Variants in HS6ST3 observed in about 807,000 individuals in gnomAD.
HS6ST3 encodes the protein heparan-sulfate 6-O-sulfotransferase 3.
Under a neutral mutation model 36.7 loss-of-function variants are expected in HS6ST3, and 12 were observed. The observed-to-expected ratio is 0.33, with a 90% CI of 0.21 to 0.53. HS6ST3 has a LOEUF of 0.53. Ranked by LOEUF, HS6ST3 falls within the 20% of genes least tolerant of loss-of-function variation. The pLI is 0.95. For missense variants in HS6ST3, 584 were observed against 640.9 expected, an observed-to-expected ratio of 0.91 and a Z score of 0.96; for synonymous variants, 240 against 257.5, an observed-to-expected ratio of 0.93 and a Z score of 0.65.
chr13:96,167,170 C>G (rs558007642), intron 1 of HS6ST3, among the ~76,000 whole-genome samples: 1 of 152,158 alleles, frequency 6.6e-6, no homozygotes, highest in Non-Finnish European at 1.5e-5. Context: ...ATCCCTGACA[C>G]TTACCTCTCT....
chr13:96,530,228 C>G (rs1244369556), intron 1 of HS6ST3, among the ~76,000 whole-genome samples: 1 of 152,252 alleles, frequency 6.6e-6, no homozygotes, highest in East Asian at 1.9e-4. Flanking sequence ...TGGAGCACTG[C>G]CCATCTGACT....
At chr13:96,424,996 G>A (rs1474076956) in intron 1 of HS6ST3, among the ~76,000 whole-genome samples, 1 of 152,038 alleles carries the variant, frequency 6.6e-6, no homozygotes, top group Non-Finnish European at 1.5e-5. Flanking sequence ...CAGATTTTTG[G>A]GGGGATAAAG....
At chr13:96,257,152 G>C (rs1377039597) in intron 1 of HS6ST3, among the ~76,000 whole-genome samples, 1 of 152,146 alleles carries the variant, frequency 6.6e-6, no homozygotes, top group Non-Finnish European at 1.5e-5. Context: ...GTACTTAATA[G>C]TGCCAGTACT....
chr13:96,728,622 G>A (rs769503869), intron 1 of HS6ST3, among the ~76,000 whole-genome samples: 16 of 152,152 alleles, frequency 1.1e-4, no homozygotes, highest in African/African-American at 3.9e-4. Context: ...CAATGATCTA[G>A]CATTCTTTTT....
intron 1 of HS6ST3, among the ~76,000 whole-genome samples, chr13:96,827,039 C>G (rs1878663778): frequency 6.6e-6 from 1 of 152,152 alleles, no homozygotes; most frequent in African/African-American, 2.4e-5. Context: ...AGGATGCTGT[C>G]ACCATGGCAA....
chr13:96,697,176 T>A (rs1368175026), intron 1 of HS6ST3, among the ~76,000 whole-genome samples: 1 of 151,546 alleles, frequency 6.6e-6, no homozygotes, highest in African/African-American at 2.4e-5. Flanking sequence ...TATAGATGTG[T>A]GTGTGTGTGT....
chr13:96,442,279 G>A (rs993461086), intron 1 of HS6ST3, among the ~76,000 whole-genome samples: 53 of 152,174 alleles, frequency 3.5e-4, no homozygotes, highest in African/African-American at 1.1e-3. Context: ...TTCCCAAAGT[G>A]CTGGGATTCC....
intron 1 of HS6ST3, among the ~76,000 whole-genome samples, chr13:96,284,725 G>GT (rs1382476938): frequency 6.6e-6 from 1 of 151,970 alleles, no homozygotes; most frequent in Non-Finnish European, 1.5e-5. Flanking sequence ...TTTTTCTAAG[G>GT]TTTTTGTAAA....
chr13:96,267,051 C>T (rs1012188138), intron 1 of HS6ST3, among the ~76,000 whole-genome samples: 16 of 152,150 alleles, frequency 1.1e-4, no homozygotes, highest in Admixed American at 3.9e-4. Flanking sequence ...ATCCTCGGAG[C>T]GGGTTTTTTG....
intron 1 of HS6ST3, among the ~76,000 whole-genome samples, chr13:96,299,944 T>C (rs759089242): frequency 2.7e-5 from 4 of 150,510 alleles, no homozygotes; most frequent in Admixed American, 6.6e-5. Context: ...GAGGCATGGC[T>C]GGGGAGGCCT....
At chr13:96,641,417 T>C (rs2056569755) in intron 1 of HS6ST3, among the ~76,000 whole-genome samples, 2 of 151,892 alleles carry the variant, frequency 1.3e-5, no homozygotes, top group African/African-American at 2.4e-5. Flanking sequence ...AGGAGCCTTC[T>C]GGCTTTCAGG....
rs1758230538 is a variant in HS6ST3 at position 96,241,480 on chromosome 13, AAT to A, written c.707+149918_707+149919del. ...TATCTAAATTTTGTTTTATATAATT[AAT>A]ATATATTTGTCAAAATACAAAATAT... On this transcript the variant is annotated intron_variant, in intron 1 of 1. Transcript: ENST00000376705. Among the ~76,000 whole-genome samples the A allele has an allele frequency of 2.0e-5, 3 of 152,146 alleles. No homozygotes were observed. In the South Asian group the frequency reaches 6.2e-4, roughly 32 times the overall value.
chr13:96,506,607 A>G (rs982151686), intron 1 of HS6ST3, among the ~76,000 whole-genome samples: 10 of 152,138 alleles, frequency 6.6e-5, no homozygotes, highest in Non-Finnish European at 1.0e-4. Flanking sequence ...GCTCAATGCA[A>G]TCAGTGAATG....
At chr13:96,688,766 C>T (rs72643898) in intron 1 of HS6ST3, among the ~76,000 whole-genome samples, 6,049 of 152,062 alleles carry the variant, frequency 0.04, 173 homozygotes, top group Non-Finnish European at 0.061. Context: ...GCAAAGGACC[C>T]CACTTGATAT....
chr13:96,170,865 AT>A (rs1475468813), intron 1 of HS6ST3, among the ~76,000 whole-genome samples: 18 of 152,352 alleles, frequency 1.2e-4, no homozygotes, highest in African/African-American at 4.3e-4. Context: ...AGGAAACTGT[AT>A]TGAATTTCTG....
intron 1 of HS6ST3, among the ~76,000 whole-genome samples, chr13:96,310,437 C>T (rs2139408814): frequency 6.6e-6 from 1 of 152,040 alleles, no homozygotes; most frequent in East Asian, 1.9e-4. Flanking sequence ...TTTTTGGATA[C>T]AGGTAGAAAG....
chr13:96,286,078 C>G (rs541611660), intron 1 of HS6ST3, among the ~76,000 whole-genome samples: 17 of 147,658 alleles, frequency 1.2e-4, no homozygotes, highest in African/African-American at 4.2e-4. Context: ...TTCCTCCTCT[C>G]TCTTTCTCAG....
At chr13:96,416,702 G>C (rs2055534758) in intron 1 of HS6ST3, among the ~76,000 whole-genome samples, 1 of 139,440 alleles carries the variant, frequency 7.2e-6, no homozygotes, top group Non-Finnish European at 1.5e-5. Flanking sequence ...AATTTCCACT[G>C]TCCCTTCAAG....
chr13:96,163,588 A>C (rs554548123), intron 1 of HS6ST3, among the ~76,000 whole-genome samples: 1 of 152,300 alleles, frequency 6.6e-6, no homozygotes, highest in South Asian at 2.1e-4. Flanking sequence ...GTGCCTGTCC[A>C]GGTGGTATGT....
Sources: allele counts gnomAD v4.1 joint callset (sites outside exome capture counted in the v4.1 genomes callset), GRCh38; gene constraint gnomAD v4.1.1; transcripts MANE v1.5; gene names NCBI Gene and HGNC (gene_info 2026-07-23, HGNC 2026-07-21).